SNX8: variants seen among roughly 807,000 people sequenced by gnomAD.
SNX8 encodes the protein sorting nexin-8.
A neutral mutation model predicts 51.6 loss-of-function variants in SNX8; 25 were observed. That is an observed-to-expected ratio of 0.48 (90% CI 0.35 to 0.68). SNX8 has a LOEUF of 0.68. SNX8 is among the 30% of genes least tolerant of loss of function. The probability of loss-of-function intolerance (pLI) is 0.00; values close to 1 mark genes in which losing one functional copy is unlikely to be tolerated. For missense variants in SNX8, 695 were observed against 624.0 expected (o/e 1.11, Z -1.21); for synonymous variants, 324 against 277.0 (o/e 1.17, Z -1.68).
At chr7:2,283,693 G>C (rs1302064146) in intron 1 of SNX8, among the ~76,000 whole-genome samples, 1 of 152,344 alleles carries the variant, frequency 6.6e-6, no homozygotes, top group South Asian at 2.1e-4. Context: ...ATTCCCCAAA[G>C]TGGGTGCGTA....
At position 2,278,226 on chromosome 7, in the gene SNX8, C is replaced by G. The variant is rs539504533; in HGVS notation, c.174G>C (p.Gln58His). The G allele has an allele frequency of 1.9e-6, 3 of 1,612,254 alleles. No homozygotes were observed. The South Asian group carries it at 3.3e-5, about 18-fold the overall frequency. Reference sequence around the variant, plus strand: ...TGTGGGACAGCAGCAGCGGGTTCCCCTGCGGCATCTGCATTCGACTGGGGG... The same window carrying G: ...TGTGGGACAGCAGCAGCGGGTTCCCGTGCGGCATCTGCATTCGACTGGGGG... ...VPAPSRMQMP[Q>H]GNPLLLSHTL... The change falls in exon 2 of 11, where the codon CAG becomes CAC. Residue 58 changes from glutamine to histidine, a missense_variant. Transcript: ENST00000222990.
intron 1 of SNX8, among the ~76,000 whole-genome samples, chr7:2,301,319 T>C (rs748229268): frequency 4.0e-4 from 61 of 152,106 alleles, no homozygotes; most frequent in African/African-American, 9.2e-4. Flanking sequence ...CCACCACCTA[T>C]TGGCCGTGTG....
intron 1 of SNX8, among the ~76,000 whole-genome samples, chr7:2,342,060 C>G (rs1778937690): frequency 1.3e-5 from 2 of 149,420 alleles, no homozygotes; most frequent in African/African-American, 4.9e-5. Context: ...GAGATTGATC[C>G]TTGCATCTGG....
chr7:2,257,852 T>A, intron 7 of SNX8, 49 bp from the exon 8 acceptor site: 1 of 1,563,022 alleles, frequency 6.4e-7, no homozygotes, highest in Non-Finnish European at 8.8e-7. Context: ...TAGGACCCGG[T>A]CCCTGCCCGG....
At chr7:2,273,913 A>C (rs548927993) in intron 3 of SNX8, among the ~76,000 whole-genome samples, 1 of 152,222 alleles carries the variant, frequency 6.6e-6, no homozygotes, top group African/African-American at 2.4e-5. Context: ...AAAAAAAAAA[A>C]AAAAACACCA....
At chr7:2,308,534 G>A (rs552267048) in intron 1 of SNX8, among the ~76,000 whole-genome samples, 10 of 151,968 alleles carry the variant, frequency 6.6e-5, no homozygotes, top group African/African-American at 1.9e-4. Context: ...TGGGCATGGT[G>A]GCACACGCCT....
At chr7:2,273,200 G>C (rs1795689153) in intron 3 of SNX8, among the ~76,000 whole-genome samples, 1 of 152,000 alleles carries the variant, frequency 6.6e-6, no homozygotes, top group South Asian at 2.1e-4. Context: ...TGTAATCCCA[G>C]CCTCTTGGGA....
rs529060780 is a variant in SNX8 at position 2,281,127 on chromosome 7, G to T, written c.95-2822C>A. ...TATTTGCAAAATAAATTTTAATTAA[G>T]AAAAAGAAAGAAAAAGACCAGGTAC... On this transcript the variant is annotated intron_variant, in intron 1 of 10. Transcript: ENST00000222990. 2.6e-5 allele frequency among the ~76,000 whole-genome samples: 4 copies of T among 151,650 alleles called. 1 individual carries two copies. Among genetic ancestry groups the T allele is most frequent in the South Asian group, 2.1e-4 (1 of 4,770 alleles).
intron 1 of SNX8, among the ~76,000 whole-genome samples, chr7:2,349,353 C>T (rs1027691861): frequency 5.9e-5 from 9 of 152,002 alleles, no homozygotes; most frequent in Admixed American, 2.6e-4. Context: ...CCACTATCTC[C>T]CAAATTATTT....
At chr7:2,317,747 C>T (rs989910607), upstream of SNX8, among the ~76,000 whole-genome samples, 11 of 152,068 alleles carry the variant, frequency 7.2e-5, no homozygotes, top group African/African-American at 2.2e-4. Flanking sequence ...GCACCTAGGA[C>T]GCCATAGGGT....
intron 1 of SNX8, among the ~76,000 whole-genome samples, chr7:2,332,554 A>T (rs1309686907): frequency 6.6e-6 from 1 of 152,014 alleles, no homozygotes; most frequent in East Asian, 1.9e-4. Flanking sequence ...GGAGTTTGAG[A>T]CAAGCCTGGA....
intron 1 of SNX8, among the ~76,000 whole-genome samples, chr7:2,351,910 T>TTG (rs532055509): frequency 0.37 from 49,222 of 132,032 alleles, 10,817 homozygotes; most frequent in East Asian, 0.64. Flanking sequence ...TGTTGGTTTT[T>TTG]TTTTTTTTTT....
At position 2,275,165 on chromosome 7, in the gene SNX8, T is replaced by G. The variant is rs1417415564; in HGVS notation, c.365A>C (p.His122Pro). The stretch of plus-strand genomic sequence containing the variant: ...AGGCACCATACGGTAGGGGAACTTG[T>G]GCAGGAGCATCTCCTGGAAGACCAC... ...DFVVFQEMLLHKFPYRMVPAL... is the reference protein window; with the variant it reads ...DFVVFQEMLLPKFPYRMVPAL... Residue 122 changes from histidine (H) to proline (P), a missense_variant, in exon 3 of 11, where the codon CAC becomes CCC. Coordinates refer to ENST00000222990, the MANE Select transcript of SNX8 (RefSeq NM_013321.4). 1 of 1,614,184 alleles carries G rather than the reference T, an allele frequency of 6.2e-7. No homozygotes were observed. Among genetic ancestry groups the G allele is most frequent in the Non-Finnish European group, 8.5e-7 (1 of 1,180,004 alleles).
intron 1 of SNX8, among the ~76,000 whole-genome samples, chr7:2,345,933 G>A (rs1427089673): frequency 1.3e-5 from 2 of 151,626 alleles, no homozygotes; most frequent in Non-Finnish European, 2.9e-5. Context: ...TCAGCCTCCC[G>A]AGTAGCTGGG....
intron 1 of SNX8, among the ~76,000 whole-genome samples, chr7:2,325,786 C>T (rs1378814334): frequency 3.3e-5 from 5 of 151,940 alleles, no homozygotes; most frequent in East Asian, 1.9e-4. Context: ...GAGCCAAGAT[C>T]GTGCCACTGC....
intron 1 of SNX8, among the ~76,000 whole-genome samples, chr7:2,304,349 C>T (rs1372490868): frequency 6.6e-6 from 1 of 151,042 alleles, no homozygotes. Flanking sequence ...TAGAGACCAT[C>T]CTGGCTAACA....
Position 2,255,101 on chromosome 7 carries a change from C to T in SNX8, c.1353G>A (p.Leu451=), listed in dbSNP as rs1196473349. 1.9e-6 allele frequency: 3 copies of T among 1,580,870 alleles called. No homozygotes were observed. Among genetic ancestry groups the T allele is most frequent in the Non-Finnish European group, 2.6e-6 (3 of 1,164,052 alleles). ...SCLFAGPHST[L]TPPCSPPEDG... Reference sequence around the variant, plus strand: ...CCTCCGGCGGGGAGCACGGTGGGGTCAGGGTGCTGTGTGGTCCCGCAAAGA... The same window carrying T: ...CCTCCGGCGGGGAGCACGGTGGGGTTAGGGTGCTGTGTGGTCCCGCAAAGA... Residue 451 remains leucine, a synonymous_variant, in exon 11 of 11, where the codon CTG becomes CTA. Coordinates refer to ENST00000222990, the MANE Select transcript of SNX8 (RefSeq NM_013321.4).
chr7:2,315,907 C>G (rs1387600433), upstream of SNX8, among the ~76,000 whole-genome samples: 1 of 151,302 alleles, frequency 6.6e-6, no homozygotes, highest in Non-Finnish European at 1.5e-5. Context: ...TGCATTCATT[C>G]ATCCACCCAC....
At chr7:2,319,739 T>C (rs374499627) in intron 1 of SNX8, among the ~76,000 whole-genome samples, 1 of 123,724 alleles carries the variant, frequency 8.1e-6, no homozygotes, top group South Asian at 2.6e-4. Context: ...GGTGCGAACC[T>C]GGGAGCCGGA....
Sources: allele counts gnomAD v4.1 joint callset (sites outside exome capture counted in the v4.1 genomes callset), GRCh38; gene constraint gnomAD v4.1.1; transcripts MANE v1.5; gene names NCBI Gene and HGNC (gene_info 2026-07-23, HGNC 2026-07-21).